Variants in CD180 observed in about 807,000 individuals in gnomAD.
CD180 encodes the protein CD180 molecule, also known as CD180 antigen.
Under a neutral mutation model 10.7 loss-of-function variants are expected in CD180, and 11 were observed. That is an observed-to-expected ratio of 1.03 (90% confidence interval 0.65 to 1.70). CD180 has a LOEUF of 1.70. CD180 is among the 40% of genes most tolerant of loss of function. The pLI is 0.00. For synonymous variants in CD180, 286 were observed against 294.6 expected (o/e 0.97, Z 0.30); for missense variants, 729 against 775.2 (o/e 0.94, Z 0.71).
chr5:67,185,524 A>C (rs1269204626), intron 2 of CD180, among the ~76,000 whole-genome samples: 2 of 152,192 alleles, frequency 1.3e-5, no homozygotes, highest in African/African-American at 2.4e-5. Flanking sequence ...GTAATTACCC[A>C]AAAATAAACT....
rs1274629520 is a variant in CD180, at chr5:67,183,033, C to T, written c.1810G>A (p.Glu604Lys). Reference sequence around the variant, plus strand: ...GATGGCGGGTTTGCACACGTGGTCTCCTCCGAGCCTTCAAGTTTGTGCAGG... The same window carrying T: ...GATGGCGGGTTTGCACACGTGGTCTTCTCCGAGCCTTCAAGTTTGTGCAGG... ...ENLHKLEGSE[E>K]TTCANPPSLR... The change falls in exon 3 of 3, where the codon GAG becomes AAG. Residue 604 changes from glutamate to lysine, a missense_variant. By Grantham distance (56) the Glu-to-Lys change is moderately conservative (BLOSUM62 1). Coordinates refer to ENST00000256447, the MANE Select transcript of CD180 (RefSeq NM_005582.3). 2 of 1,613,690 alleles carry T rather than the reference C, an allele frequency of 1.2e-6. No individual in the cohort carries two copies. Among genetic ancestry groups the T allele is most frequent in the South Asian group, 1.1e-5 (1 of 90,952 alleles).
At chr5:67,186,983 C>T (rs984861291) in intron 1 of CD180, among the ~76,000 whole-genome samples, 13 of 151,958 alleles carry the variant, frequency 8.6e-5, no homozygotes, top group Non-Finnish European at 1.3e-4. Context: ...ATACAGTAGA[C>T]CTCATTTAGA....
At chr5:67,195,309 C>T (rs919278545) in intron 1 of CD180, among the ~76,000 whole-genome samples, 6 of 152,174 alleles carry the variant, frequency 3.9e-5, no homozygotes, top group South Asian at 2.1e-4. Context: ...CTCTGCCTCC[C>T]GGGTTTGAGT....
At position 67,182,904 on chromosome 5, in the gene CD180, A is replaced by T; in HGVS notation, c.1939T>A (p.Phe647Ile). The change falls in exon 3 of 3, where the codon TTT (phenylalanine) becomes ATT (isoleucine). Residue 647 changes from phenylalanine (F) to isoleucine (I), a missense_variant. By Grantham distance (21) the Phe-to-Ile change is conservative. Transcript: ENST00000256447. The stretch of plus-strand genomic sequence containing the variant: ...CTGAGAAGGTATTTAACTGCAAAAA[A>T]TAGCAGAATAGCCAACAATAATAGA... The part of the protein sequence containing the change: ...VFLLLLAILL[F>I]FAVKYLLRWK... The T allele has an allele frequency of 6.2e-7, 1 of 1,612,912 alleles. No individual in the cohort carries two copies. The highest frequency in any genetic ancestry group is 8.5e-7 in the Non-Finnish European group (1 of 1,179,484).
intron 2 of CD180, 50 bp from the exon 3 acceptor site, chr5:67,184,635 A>T: frequency 6.9e-7 from 1 of 1,458,824 alleles, no homozygotes; most frequent in Non-Finnish European, 9.3e-7. Context: ...AAAAGTAAAA[A>T]AATACTTTAC....
At chr5:67,195,112 A>T (rs1289092231) in intron 1 of CD180, among the ~76,000 whole-genome samples, 1 of 152,216 alleles carries the variant, frequency 6.6e-6, no homozygotes, top group African/African-American at 2.4e-5. Flanking sequence ...CCTTGATCTT[A>T]AAATTCCAGC....
Position 67,183,499 on chromosome 5 carries a change from C to T in CD180, c.1344G>A (p.Gln448=). 6.2e-7 allele frequency: 1 copy of T among 1,614,180 alleles called. No individual in the cohort carries two copies. The highest frequency in any genetic ancestry group is 8.5e-7 in the Non-Finnish European group (1 of 1,180,046). The change falls in exon 3 of 3, where the codon CAG becomes CAA. Residue 448 remains glutamine (Q), a synonymous_variant. Transcript: ENST00000256447. The part of the protein sequence containing the change: ...QSPFQNLHFL[Q]VLNLTYCFLD... ...GGAAGCAGTAAGTGAGATTCAGAAC[C>T]TGAAGGAAATGGAGGTTTTGGAAGG... is the stretch of plus-strand genomic sequence containing the variant.
rs375032246 is a variant in CD180 at position 67,183,744 on chromosome 5, C to G, written c.1099G>C (p.Glu367Gln). ...AGTGTCTGAAGGTTTCCTAGTTTCT[C>G]CAAGCAGCCAACACCAAGGTGAAGT... ...KKLHLGVGCLEKLGNLQTLDL... is the reference protein window; with the variant it reads ...KKLHLGVGCLQKLGNLQTLDL... Residue 367 changes from glutamate (E) to glutamine (Q), a missense_variant, in exon 3 of 3, where the codon GAG becomes CAG. Coordinates refer to ENST00000256447, the MANE Select transcript of CD180 (RefSeq NM_005582.3). The G allele has an allele frequency of 1.1e-5, 18 of 1,614,018 alleles. No homozygotes were observed. In the African/African-American group the frequency reaches 2.1e-4, roughly 19 times the overall value.
At chr5:67,191,372 G>A (rs1212084780) in intron 1 of CD180, among the ~76,000 whole-genome samples, 2 of 152,174 alleles carry the variant, frequency 1.3e-5, no homozygotes, top group East Asian at 1.9e-4. Flanking sequence ...AAGAGTTAGC[G>A]TTTAACTGGA....
intron 2 of CD180, among the ~76,000 whole-genome samples, chr5:67,185,317 ACACACACACACG>A (rs879613905): frequency 1.2e-4 from 18 of 151,762 alleles, no homozygotes; most frequent in African/African-American, 4.1e-4. Flanking sequence ...ACACACACAC[ACACACACACACG>A]CAGTATAGCC....
Position 67,183,407 on chromosome 5 carries a change from T to A in CD180, c.1436A>T (p.Asn479Ile). The A allele has an allele frequency of 6.2e-7, 1 of 1,614,172 alleles. No homozygotes were observed. The highest frequency in any genetic ancestry group is 8.5e-7 in the Non-Finnish European group (1 of 1,180,018). ...CGTGATAGTCCCATCTTGAAAGTGA[T>A]TCCCTTTTAAGTTGAGATGCCGGAG... is the stretch of plus-strand genomic sequence containing the variant. ...PVLRHLNLKG[N>I]HFQDGTITKT... The change falls in exon 3 of 3, where the codon AAT becomes ATT. Residue 479 changes from asparagine to isoleucine, a missense_variant. Asn to Ile is a moderately radical substitution (Grantham distance 149). Coordinates refer to ENST00000256447, the MANE Select transcript of CD180 (RefSeq NM_005582.3).
chr5:67,185,213 TG>T (rs1401857415), intron 2 of CD180, among the ~76,000 whole-genome samples: 1 of 146,884 alleles, frequency 6.8e-6, no homozygotes, highest in Non-Finnish European at 1.5e-5. Context: ...AAGCTGAAGT[TG>T]AAGGACAAAA....
At chr5:67,189,350 GCTC>G (rs1357014392) in intron 1 of CD180, among the ~76,000 whole-genome samples, 2 of 152,322 alleles carry the variant, frequency 1.3e-5, no homozygotes, top group African/African-American at 2.4e-5. Context: ...GCCTGAGTGA[GCTC>G]CTTGAAAATA....
chr5:67,186,090 T>A, intron 1 of CD180, 73 bp from the exon 2 acceptor site: 1 of 988,898 alleles, frequency 1.0e-6, no homozygotes, highest in Non-Finnish European at 1.4e-6. Flanking sequence ...ATTATATATG[T>A]TTTACCTTCC....
chr5:67,196,092 C>A (rs867087772), intron 1 of CD180, among the ~76,000 whole-genome samples: 6 of 152,170 alleles, frequency 3.9e-5, no homozygotes, highest in African/African-American at 1.4e-4. Flanking sequence ...CAAGAGAGAG[C>A]CAGACTCATT....
In CD180 at chr5:67,184,441, T is replaced by C. The variant is rs1466073515; in HGVS notation, c.402A>G (p.Gln134=). ...PKSLKHLFLI[Q]TGISNLEFIP... is the part of the protein sequence containing the mutation. ...TAAACTCGAGATTGGATATTCCCGT[T>C]TGGATTAAGAAAAGATGCTTCAGTG... Residue 134 remains glutamine, a synonymous_variant, in exon 3 of 3, where the codon CAA becomes CAG. Transcript: ENST00000256447. 1 of 1,614,190 alleles carries C rather than the reference T, an allele frequency of 6.2e-7. No individual in the cohort carries two copies. The highest frequency in any genetic ancestry group is 8.5e-7 in the Non-Finnish European group (1 of 1,180,012).
intron 1 of CD180, 68 bp from the exon 2 acceptor site, chr5:67,186,085 A>ATC: frequency 1.9e-6 from 2 of 1,036,196 alleles, no homozygotes; most frequent in Non-Finnish European, 2.7e-6. Context: ...GCAAAATTAT[A>ATC]TATGTTTTAC....
Position 67,184,328 on chromosome 5 carries a change from G to C in CD180, c.515C>G (p.Ala172Gly). The change falls in exon 3 of 3, where the codon GCA becomes GGA. Residue 172 changes from alanine (A) to glycine (G), a missense_variant. Transcript: ENST00000256447. The stretch of plus-strand genomic sequence containing the variant: ...AAAATCCAGTACTTTCAGATTCCGT[G>C]CTGGGAAGTCTTTGGGGAACTTAAT... Reference protein sequence around the residue: ...SSIKFPKDFPARNLKVLDFQN... With the variant: ...SSIKFPKDFPGRNLKVLDFQN... 1 of 1,614,146 alleles carries C rather than the reference G, an allele frequency of 6.2e-7. No individual in the cohort carries two copies. The highest frequency in any genetic ancestry group is 8.5e-7 in the Non-Finnish European group (1 of 1,180,024).
rs909218416 is a variant in CD180 at position 67,181,162 on chromosome 5, C to T, written c.*1695G>A. 1 of 151,894 alleles carries T rather than the reference C, an allele frequency of 6.6e-6. No homozygotes were observed. The highest frequency in any genetic ancestry group is 1.5e-5 in the Non-Finnish European group (1 of 67,996). 9.4% of individuals were successfully genotyped at this position (151,894 alleles called of 1,614,324 possible). On this transcript the variant is annotated 3_prime_UTR_variant, in exon 3 of 3. Coordinates refer to ENST00000256447, the MANE Select transcript of CD180 (RefSeq NM_005582.3). ...GCACTTGTATTTGGGAGAGACAAGA[C>T]AAGAGAAACTAATTAAAACAAATGA...
Sources: gnomAD v4.1 joint callset for allele counts (sites outside exome capture counted in the v4.1 genomes callset) on GRCh38, gnomAD v4.1.1 for gene constraint, MANE v1.5 for transcripts, NCBI Gene and HGNC (gene_info 2026-07-23, HGNC 2026-07-21) for gene names.